Variants in FAM174B observed in about 807,000 individuals in gnomAD.
The protein encoded by FAM174B is family with sequence similarity 174 member B.
A neutral mutation model predicts 10.9 loss-of-function variants in FAM174B; 12 were observed. The observed-to-expected ratio is 1.10, with a 90% CI of 0.71 to 1.79. The LOEUF (loss-of-function observed/expected upper bound fraction) is 1.79, where lower values mean the gene tolerates loss of function less well. Among genes scored for constraint, FAM174B ranks in the 40% most tolerant of loss-of-function variants. The pLI is 0.00. For synonymous variants in FAM174B, 132 were observed against 115.8 expected (o/e 1.14, Z -0.90); for missense variants, 266 against 233.3 (o/e 1.14, Z -0.91).
chr15:92,620,771 C>T lies in FAM174B; in HGVS notation c.477-1312G>A, dbSNP rs146240834. Among the ~76,000 whole-genome samples, 1,260 of 141,738 alleles carry T rather than the reference C, an allele frequency of 8.9e-3. 16 individuals carry two copies. The highest frequency in any genetic ancestry group is 0.06 in the East Asian group (286 of 4,772). 93.0% of individuals were successfully genotyped at this position (141,738 alleles called of 152,430 possible). A position where few individuals can be genotyped will look rare whatever the true frequency, so the allele number is the denominator to read the frequency against. On this transcript the variant is annotated intron_variant, in intron 2 of 2. Transcript: ENST00000327355. ...CAGAGGTTGCAGTGAGCTGAGATGG[C>T]GCCACTGCACTCCAGCCTGGATGAC...
chr15:92,638,983 T>C (rs1379974800), intron 1 of FAM174B, among the ~76,000 whole-genome samples: 1 of 152,106 alleles, frequency 6.6e-6, no homozygotes, highest in Non-Finnish European at 1.5e-5. Context: ...GCACATGTGA[T>C]CTCATCACAG....
Position 92,655,067 on chromosome 15 carries a change from G to A in FAM174B, c.344+249C>T, listed in dbSNP as rs145627227. ...AGCATTAGCAGAAAGCCAACAAATG[G>A]GAACCACATATTTATTTTATATATA... On this transcript the variant is annotated intron_variant, in intron 1 of 2. Transcript: ENST00000327355. 1.0e-3 allele frequency: 375 copies of A among 370,926 alleles called. 5 individuals are homozygous for A. In the East Asian group the frequency reaches 0.015, roughly 15 times the overall value. The allele number at this position is 370,926 out of a possible 1,614,324, so 23.0% of individuals were successfully genotyped here.
rs772839033 is a variant in FAM174B at position 92,630,314 on chromosome 15, A to C, written c.376T>G (p.Tyr126Asp). ...TCTGCTGGAGTGGTGATGATATCAT[A>C]CTTGCGTGTCTTCTTTAACCTCTTT... ...SGKRLKKTRK[Y>D]DIITTPAERV... Residue 126 changes from tyrosine to aspartate, a missense_variant, in exon 2 of 3, where the codon TAT (tyrosine) becomes GAT (aspartate). Coordinates refer to ENST00000327355, the MANE Select transcript of FAM174B (RefSeq NM_207446.3). The C allele has an allele frequency of 6.2e-7, 1 of 1,613,564 alleles. No individual in the cohort carries two copies. The highest frequency in any genetic ancestry group is 1.1e-5 in the South Asian group (1 of 91,018).
intron 1 of FAM174B, among the ~76,000 whole-genome samples, chr15:92,631,924 G>A (rs1467324421): frequency 2.6e-5 from 4 of 152,198 alleles, no homozygotes; most frequent in South Asian, 2.1e-4. Flanking sequence ...GGCCAGCCAC[G>A]GGAGAGTTGG....
intron 1 of FAM174B, among the ~76,000 whole-genome samples, chr15:92,653,877 A>C (rs1952748579): frequency 6.6e-6 from 1 of 152,258 alleles, no homozygotes; most frequent in African/African-American, 2.4e-5. Flanking sequence ...CCAGCTTGCA[A>C]GGGCCCCAAA....
intron 2 of FAM174B, chr15:92,630,012 A>G (rs2050780270): frequency 1.6e-5 from 7 of 448,390 alleles, no homozygotes; most frequent in Non-Finnish European, 2.8e-5. Context: ...CTCTTTATAC[A>G]TTTCCTAGTC....
intron 1 of FAM174B, among the ~76,000 whole-genome samples, chr15:92,646,072 C>T (rs1256216591): frequency 6.6e-6 from 1 of 151,620 alleles, no homozygotes; most frequent in Non-Finnish European, 1.5e-5. Context: ...TCCTCTTTCT[C>T]CTCTTCATCC....
intron 1 of FAM174B, among the ~76,000 whole-genome samples, chr15:92,642,312 G>A (rs1353594796): frequency 6.6e-6 from 1 of 152,216 alleles, no homozygotes; most frequent in Non-Finnish European, 1.5e-5. Flanking sequence ...ACTCCTAGGT[G>A]TATATTCCCA....
intron 1 of FAM174B, among the ~76,000 whole-genome samples, chr15:92,641,390 A>G (rs928115133): frequency 8.5e-5 from 13 of 152,254 alleles, no homozygotes; most frequent in African/African-American, 2.9e-4. Context: ...ATGTTTCCAC[A>G]TGTGTGAAAT....
intron 1 of FAM174B, among the ~76,000 whole-genome samples, chr15:92,640,985 A>G (rs2050887935): frequency 6.6e-6 from 1 of 152,144 alleles, no homozygotes; most frequent in Admixed American, 6.6e-5. Context: ...TCCTTAATAT[A>G]TATATAGTCC....
chr15:92,643,105 A>T (rs1455022866), intron 1 of FAM174B, among the ~76,000 whole-genome samples: 3 of 150,728 alleles, frequency 2.0e-5, no homozygotes, highest in Non-Finnish European at 4.4e-5. Context: ...CTGTAAATAT[A>T]CTAAAAACCA....
At chr15:92,647,875 A>G (rs1426499944) in intron 1 of FAM174B, among the ~76,000 whole-genome samples, 1 of 152,164 alleles carries the variant, frequency 6.6e-6, no homozygotes, top group Non-Finnish European at 1.5e-5. Flanking sequence ...AAGATCTGAA[A>G]AGAGGCATTT....
chr15:92,634,922 G>GT (rs145675983), intron 1 of FAM174B, among the ~76,000 whole-genome samples: 9,516 of 152,204 alleles, frequency 0.063, 333 homozygotes, highest in South Asian at 0.12. Context: ...TGGGACATCA[G>GT]TTTTTTTCCT....
In FAM174B at chr15:92,655,365, A is replaced by C; in HGVS notation, c.295T>G (p.Phe99Val). Residue 99 changes from phenylalanine to valine, a missense_variant, in exon 1 of 3, where the codon TTC (phenylalanine) becomes GTC (valine). Physicochemically the swap from Phe to Val is conservative, Grantham distance 50. Transcript: ENST00000327355. The stretch of plus-strand genomic sequence containing the variant: ...GCGATGAGGAGGGTGGTAAAGGCGA[A>C]CGCCACGATCACGGCTGCCTTGAGG... The part of the protein sequence containing the change: ...PTLKAAVIVA[F>V]AFTTLLIACL... The C allele has an allele frequency of 6.3e-7, 1 of 1,590,618 alleles. No individual in the cohort carries two copies. The highest frequency in any genetic ancestry group is 8.6e-7 in the Non-Finnish European group (1 of 1,169,268).
chr15:92,636,312 T>A (rs1305513254), intron 1 of FAM174B, among the ~76,000 whole-genome samples: 1 of 151,900 alleles, frequency 6.6e-6, no homozygotes, highest in African/African-American at 2.4e-5. Context: ...AGACCCTGAC[T>A]CAAAATAATA....
intron 1 of FAM174B, among the ~76,000 whole-genome samples, chr15:92,643,344 A>G (rs201980761): frequency 0.01 from 1,398 of 138,170 alleles, 65 homozygotes; most frequent in Admixed American, 0.08. Flanking sequence ...TAGGGAAGGA[A>G]TGTGTGTGTG....
intron 1 of FAM174B, among the ~76,000 whole-genome samples, chr15:92,647,739 T>G (rs1337156358): frequency 6.6e-6 from 1 of 152,218 alleles, no homozygotes; most frequent in Non-Finnish European, 1.5e-5. Flanking sequence ...GTCTGTGACA[T>G]GGTTTGAAAT....
At chr15:92,642,457 G>T (rs1269250386) in intron 1 of FAM174B, among the ~76,000 whole-genome samples, 2 of 152,188 alleles carry the variant, frequency 1.3e-5, no homozygotes, top group Non-Finnish European at 2.9e-5. Context: ...AGCTCATCTT[G>T]AATTGTAGTT....
intron 1 of FAM174B, among the ~76,000 whole-genome samples, chr15:92,644,942 G>C (rs896853935): frequency 2.6e-5 from 4 of 152,186 alleles, no homozygotes; most frequent in African/African-American, 9.7e-5. Flanking sequence ...ACTTTTAAGT[G>C]TTCTCAACTA....
Sources: gnomAD v4.1 joint callset for allele counts (sites outside exome capture counted in the v4.1 genomes callset) on GRCh38, gnomAD v4.1.1 for gene constraint, MANE v1.5 for transcripts, NCBI Gene and HGNC (gene_info 2026-07-23, HGNC 2026-07-21) for gene names.